Variants in MAML2 observed in about 807,000 individuals in gnomAD.
MAML2 encodes mastermind like transcriptional coactivator 2.
Under a neutral mutation model 96.1 loss-of-function variants are expected in MAML2, and 22 were observed. The ratio of observed to expected loss-of-function variants is 0.23; its 90% CI spans 0.16 to 0.33. MAML2 has a LOEUF of 0.33. Ranked by LOEUF, MAML2 falls within the 10% of genes least tolerant of loss-of-function variation. The probability of loss-of-function intolerance (pLI) is 1.00; values close to 1 mark genes in which losing one functional copy is unlikely to be tolerated. For missense variants in MAML2, 1,367 were observed against 1,392.4 expected (o/e 0.98, Z 0.29); for synonymous variants, 561 against 521.3 (o/e 1.08, Z -1.04).
intron 1 of MAML2, among the ~76,000 whole-genome samples, chr11:96,242,586 G>A (rs1862451409): frequency 6.6e-6 from 1 of 152,178 alleles, no homozygotes; most frequent in Admixed American, 6.5e-5. Context: ...AGTTTCTGCA[G>A]GCTGAAACAG....
At chr11:96,062,726 C>A (rs1221055103) in intron 2 of MAML2, among the ~76,000 whole-genome samples, 1 of 152,196 alleles carries the variant, frequency 6.6e-6, no homozygotes, top group East Asian at 1.9e-4. Flanking sequence ...CCATTTTTAA[C>A]ATCTGTTTCA....
chr11:96,066,938 C>T (rs1407491801), intron 2 of MAML2, among the ~76,000 whole-genome samples: 1 of 152,092 alleles, frequency 6.6e-6, no homozygotes, highest in African/African-American at 2.4e-5. Context: ...GCAGGAGCGG[C>T]TGGAGGATAG....
At chr11:96,020,478 T>A (rs988174389) in intron 2 of MAML2, among the ~76,000 whole-genome samples, 8 of 152,252 alleles carry the variant, frequency 5.3e-5, no homozygotes. Flanking sequence ...AACTTTAATG[T>A]GCATATGAAT....
intron 2 of MAML2, among the ~76,000 whole-genome samples, chr11:96,057,099 A>G (rs1297126899): frequency 1.3e-5 from 2 of 152,182 alleles, no homozygotes; most frequent in East Asian, 3.8e-4. Flanking sequence ...CTACAGTAGC[A>G]GAAGTAGGAC....
chr11:96,113,184 A>AAC (rs34440709), intron 1 of MAML2, among the ~76,000 whole-genome samples: 100,094 of 147,940 alleles, frequency 0.68, 34,270 homozygotes, highest in East Asian at 0.94. Flanking sequence ...AAAAAAAAAA[A>AAC]AAAAAACTTT....
At chr11:96,244,240 A>G (rs994339392) in intron 1 of MAML2, among the ~76,000 whole-genome samples, 1 of 152,268 alleles carries the variant, frequency 6.6e-6, no homozygotes, top group Admixed American at 6.5e-5. Context: ...ACTTACCAAG[A>G]AACTACAAAC....
At chr11:96,176,025 A>C (rs1861383069) in intron 1 of MAML2, among the ~76,000 whole-genome samples, 1 of 152,212 alleles carries the variant, frequency 6.6e-6, no homozygotes, top group South Asian at 2.1e-4. Context: ...ATAGTGCTTT[A>C]TTGTTTAGAA....
chr11:96,309,425 C>G (rs1277733660), intron 1 of MAML2, among the ~76,000 whole-genome samples: 2 of 152,166 alleles, frequency 1.3e-5, no homozygotes, highest in African/African-American at 4.8e-5. Context: ...GAACTTCATT[C>G]AACCCAGTAG....
At chr11:96,316,097 C>A (rs1863629179) in intron 1 of MAML2, among the ~76,000 whole-genome samples, 1 of 152,216 alleles carries the variant, frequency 6.6e-6, no homozygotes, top group Non-Finnish European at 1.5e-5. Context: ...TTGTTGCATA[C>A]TCTTGTAATA....
chr11:96,155,579 C>T (rs1434176904), intron 1 of MAML2, among the ~76,000 whole-genome samples: 1 of 135,278 alleles, frequency 7.4e-6, no homozygotes, highest in Non-Finnish European at 1.6e-5. Flanking sequence ...ACCTAGAACA[C>T]CCTGGTCCAA....
chr11:95,987,481 A>G (rs1315614728), intron 3 of MAML2, among the ~76,000 whole-genome samples: 1 of 152,218 alleles, frequency 6.6e-6, no homozygotes, highest in African/African-American at 2.4e-5. Context: ...TTTTCAAAAT[A>G]AAAATAATCA....
chr11:96,267,952 T>C (rs1181782247), intron 1 of MAML2, among the ~76,000 whole-genome samples: 3 of 152,184 alleles, frequency 2.0e-5, no homozygotes, highest in Non-Finnish European at 4.4e-5. Flanking sequence ...GGAAGAGGCA[T>C]TTGACATAAG....
In MAML2 at chr11:96,037,772, G is replaced by A. The variant is rs141846244; in HGVS notation, c.2140-46049C>T. 5.5e-4 allele frequency among the ~76,000 whole-genome samples: 83 copies of A among 152,266 alleles called. 1 individual carries two copies. The highest frequency in any genetic ancestry group is 1.9e-3 in the African/African-American group (78 of 41,540). On this transcript the variant is annotated intron_variant, in intron 2 of 4. Coordinates refer to ENST00000524717, the MANE Select transcript of MAML2 (RefSeq NM_032427.4). Reference sequence around the variant, plus strand: ...GATGTGTCACCAGCCAGGAGCTCTCGCTGGGCATTCTAAGCTTTGTTTCTG... The same window carrying A: ...GATGTGTCACCAGCCAGGAGCTCTCACTGGGCATTCTAAGCTTTGTTTCTG...
intron 1 of MAML2, among the ~76,000 whole-genome samples, chr11:96,149,432 A>AAAAAAAAT (rs59453325): frequency 0.1 from 11,445 of 112,592 alleles, 1,943 homozygotes; most frequent in Non-Finnish European, 0.14. Flanking sequence ...AAAAAAAAAA[A>AAAAAAAAT]TGAGAAGTTA....
chr11:96,202,255 G>A (rs1367841428), intron 1 of MAML2, among the ~76,000 whole-genome samples: 12 of 150,094 alleles, frequency 8.0e-5, no homozygotes, highest in African/African-American at 2.7e-4. Flanking sequence ...GGAGGCTGAG[G>A]CAGGAGAATG....
At chr11:96,332,806 T>G (rs1466493698) in intron 1 of MAML2, among the ~76,000 whole-genome samples, 2 of 152,198 alleles carry the variant, frequency 1.3e-5, no homozygotes, top group Non-Finnish European at 2.9e-5. Context: ...ATGTTTTTAT[T>G]TTTACATAAT....
chr11:96,023,077 A>T (rs1401534271), intron 2 of MAML2, among the ~76,000 whole-genome samples: 1 of 152,184 alleles, frequency 6.6e-6, no homozygotes, highest in Non-Finnish European at 1.5e-5. Context: ...AGTGAGGAAA[A>T]GAGTTCAGGA....
intron 1 of MAML2, among the ~76,000 whole-genome samples, chr11:96,102,133 G>A (rs919509367): frequency 6.6e-5 from 10 of 152,218 alleles, no homozygotes; most frequent in South Asian, 2.1e-4. Flanking sequence ...AAAATTAGCC[G>A]GGCGTGGTGG....
intron 1 of MAML2, among the ~76,000 whole-genome samples, chr11:96,196,934 C>T (rs1464448737): frequency 1.4e-5 from 2 of 143,050 alleles, no homozygotes; most frequent in Admixed American, 7.1e-5. Flanking sequence ...ATTTAAATCA[C>T]GTGTTATTAT....
Sources: gnomAD v4.1 joint callset for allele counts (sites outside exome capture counted in the v4.1 genomes callset) on GRCh38, gnomAD v4.1.1 for gene constraint, MANE v1.5 for transcripts, NCBI Gene and HGNC (gene_info 2026-07-23, HGNC 2026-07-21) for gene names.